PDE4D: variants seen among roughly 807,000 people sequenced by gnomAD.
PDE4D encodes the protein phosphodiesterase 4D.
Under a neutral mutation model 87.4 loss-of-function variants are expected in PDE4D, and 24 were observed. That is an observed-to-expected ratio of 0.27 (90% CI 0.20 to 0.39). The LOEUF (loss-of-function observed/expected upper bound fraction) is 0.39. Ranked by LOEUF, PDE4D falls within the 10% of genes least tolerant of loss-of-function variation. The probability of loss-of-function intolerance (pLI) is 1.00; values close to 1 mark genes in which losing one functional copy is unlikely to be tolerated. For synonymous variants in PDE4D, 384 were observed against 383.2 expected, an observed-to-expected ratio of 1.00 and a Z score of -0.02; for missense variants, 714 against 1,041.0, an observed-to-expected ratio of 0.69 and a Z score of 4.32.
intron 5 of PDE4D, among the ~76,000 whole-genome samples, chr5:59,067,598 C>T (rs1033256856): frequency 1.3e-5 from 2 of 152,012 alleles, no homozygotes; most frequent in African/African-American, 4.8e-5. Context: ...CCAAACAGAT[C>T]GGATTCATAT....
At chr5:60,215,314 T>G (rs903677701) in intron 1 of PDE4D, among the ~76,000 whole-genome samples, 2 of 152,064 alleles carry the variant, frequency 1.3e-5, no homozygotes, top group Admixed American at 1.3e-4. Flanking sequence ...AAAAAAACTG[T>G]AGAGCAGAGG....
chr5:60,054,497 C>T lies in PDE4D; in HGVS notation c.43-65780G>A, dbSNP rs576934437. 1.4e-4 allele frequency among the ~76,000 whole-genome samples: 21 copies of T among 152,052 alleles called. No individual in the cohort carries two copies. The South Asian group carries it at 4.2e-3, about 30-fold the overall frequency. On this transcript the variant is annotated intron_variant, in intron 2 of 16. Transcript: ENST00000502484. ...TTTGAACAATGAGAACACATGGACACAGGGAGGGGAACATCACACACCAGG... is the reference window on the plus strand; with the variant it reads ...TTTGAACAATGAGAACACATGGACATAGGGAGGGGAACATCACACACCAGG...
At chr5:60,298,461 A>G (rs981250588) in intron 1 of PDE4D, among the ~76,000 whole-genome samples, 2 of 152,228 alleles carry the variant, frequency 1.3e-5, no homozygotes, top group Non-Finnish European at 2.9e-5. Context: ...AATTACACAC[A>G]GAGAATATTT....
At chr5:59,557,946 C>T (rs37579) in intron 1 of PDE4D, among the ~76,000 whole-genome samples, 102,792 of 152,008 alleles carry the variant, frequency 0.68, 35,101 homozygotes, top group South Asian at 0.8. Context: ...ATTAAAATCA[C>T]ACCTGTTTAT....
At chr5:59,471,778 T>C (rs1011680139) in intron 1 of PDE4D, among the ~76,000 whole-genome samples, 14 of 152,328 alleles carry the variant, frequency 9.2e-5, no homozygotes, top group African/African-American at 2.9e-4. Flanking sequence ...TAGCAGCACA[T>C]AGAGTGTTGT....
chr5:60,257,842 T>G (rs540996318), intron 1 of PDE4D, among the ~76,000 whole-genome samples: 15 of 151,960 alleles, frequency 9.9e-5, no homozygotes, highest in Non-Finnish European at 1.9e-4. Context: ...ATGAGGTTGA[T>G]TCTCATTATT....
chr5:59,130,988 T>A (rs1776172669), intron 5 of PDE4D, among the ~76,000 whole-genome samples: 1 of 152,250 alleles, frequency 6.6e-6, no homozygotes, highest in East Asian at 1.9e-4. Context: ...CACCTAACTA[T>A]GCCCTCAGCA....
At position 58,975,878 on chromosome 5, in the gene PDE4D, CTTT is replaced by C; in HGVS notation, c.1831-42_1831-40del. On this transcript the variant is annotated intron_variant, in intron 13 of 14. Transcript: ENST00000340635. This position sits in a 1 kb window ranked among gnomAD's most constrained non-coding sequence, Gnocchi z 4.2. Reference sequence around the variant, plus strand: ...ATGCATTCTCTATTCACTCCTGTTCCTTTTTTTTAAAAAAAAAAACAAAAAAAA... The same window carrying C: ...ATGCATTCTCTATTCACTCCTGTTCCTTTTTAAAAAAAAAAACAAAAAAAA... The C allele has an allele frequency of 8.4e-7, 1 of 1,189,392 alleles. No homozygotes were observed. The highest frequency in any genetic ancestry group is 2.1e-5 in the African/African-American group (1 of 47,466). The allele number at this position is 1,189,392 out of a possible 1,614,324, so 73.7% of individuals were successfully genotyped here. A position where few individuals can be genotyped will look rare whatever the true frequency, so the allele number is the denominator to read the frequency against.
At chr5:60,135,507 G>A (rs1380342462) in intron 2 of PDE4D, among the ~76,000 whole-genome samples, 1 of 152,096 alleles carries the variant, frequency 6.6e-6, no homozygotes, top group African/African-American at 2.4e-5. Flanking sequence ...TCAAAAATGG[G>A]GGAAGGGAAA....
chr5:60,260,848 T>C (rs984940513), intron 1 of PDE4D, among the ~76,000 whole-genome samples: 5 of 152,030 alleles, frequency 3.3e-5, no homozygotes, highest in Non-Finnish European at 5.9e-5. Context: ...TAGATTAACA[T>C]CTACTGGGAA....
At chr5:60,353,527 T>TA (rs1759366432) in intron 1 of PDE4D, among the ~76,000 whole-genome samples, 3 of 152,178 alleles carry the variant, frequency 2.0e-5, no homozygotes, top group Admixed American at 2.0e-4. Context: ...CTAAATCTCA[T>TA]AAATCAGTAC....
At chr5:60,490,976 T>C (rs1251034034), upstream of PDE4D, 1 of 152,204 alleles carries the variant, frequency 6.6e-6, no homozygotes. Flanking sequence ...ATCCTGTTAG[T>C]ATGTCAAATC....
intron 1 of PDE4D, among the ~76,000 whole-genome samples, chr5:59,823,603 CAGAT>C (rs921337731): frequency 1.3e-5 from 2 of 152,068 alleles, no homozygotes; most frequent in African/African-American, 2.4e-5. Context: ...CCTCATGAAA[CAGAT>C]AGAGAGGTCT....
intron 1 of PDE4D, among the ~76,000 whole-genome samples, chr5:60,480,758 C>G (rs1411966205): frequency 6.6e-6 from 1 of 152,106 alleles, no homozygotes; most frequent in African/African-American, 2.4e-5. Context: ...CTTAAAATAT[C>G]TATTAAATAG....
chr5:59,804,327 C>A (rs1767497993), intron 1 of PDE4D, among the ~76,000 whole-genome samples: 1 of 152,210 alleles, frequency 6.6e-6, no homozygotes. Flanking sequence ...CCACTTCCAG[C>A]CAAGTTGCTG....
intron 2 of PDE4D, among the ~76,000 whole-genome samples, chr5:60,017,658 G>A (rs1765654263): frequency 1.3e-5 from 2 of 152,110 alleles, no homozygotes; most frequent in African/African-American, 4.8e-5. Context: ...AGTGTTCCAT[G>A]GTGTATATGT....
At chr5:59,426,449 C>A (rs2702369) in intron 1 of PDE4D, among the ~76,000 whole-genome samples, 1 of 151,978 alleles carries the variant, frequency 6.6e-6, no homozygotes, top group South Asian at 2.1e-4. Flanking sequence ...CTGATCCCAG[C>A]GATAATAGGG....
intron 1 of PDE4D, among the ~76,000 whole-genome samples, chr5:59,465,654 C>A (rs1015333946): frequency 6.6e-6 from 1 of 152,150 alleles, no homozygotes; most frequent in Non-Finnish European, 1.5e-5. Flanking sequence ...AATACCTAAA[C>A]ATTGTTTAAA....
chr5:59,936,501 T>C (rs1279351867), intron 3 of PDE4D, among the ~76,000 whole-genome samples: 2 of 152,192 alleles, frequency 1.3e-5, no homozygotes, highest in Non-Finnish European at 2.9e-5. Context: ...GTCATACATA[T>C]AAGCTTAATG....
Sources: allele counts gnomAD v4.1 joint callset (sites outside exome capture counted in the v4.1 genomes callset), GRCh38; gene constraint gnomAD v4.1.1; non-coding constraint Gnocchi (gnomAD v3.1); transcripts MANE v1.5; gene names NCBI Gene and HGNC (gene_info 2026-07-23, HGNC 2026-07-21).